The following VPS13B variants were observed in gnomAD, a reference collection of about 807,000 sequenced individuals.
The protein encoded by VPS13B is vacuolar protein sorting 13 homolog B, also known as intermembrane lipid transfer protein VPS13B.
A neutral mutation model predicts 426.4 loss-of-function variants in VPS13B; 285 were observed. The ratio of observed to expected loss-of-function variants is 0.67; its 90% CI spans 0.61 to 0.74. VPS13B has a LOEUF of 0.74. VPS13B is among the 30% of genes least tolerant of loss of function. VPS13B has a pLI of 0.00. For synonymous variants in VPS13B, 1,676 were observed against 1,676.4 expected (o/e 1.00, Z 0.01); for missense variants, 4,537 against 4,782.6 (o/e 0.95, Z 1.51).
At chr8:99,696,108 T>G in intron 35 of VPS13B, 1 of 157,834 alleles carries the variant, frequency 6.3e-6, no homozygotes. Flanking sequence ...CCACGCACGG[T>G]GGCGAGAGTG....
At chr8:99,202,250 T>G (rs1275672991) in intron 17 of VPS13B, among the ~76,000 whole-genome samples, 2 of 152,198 alleles carry the variant, frequency 1.3e-5, no homozygotes, top group Non-Finnish European at 2.9e-5. Flanking sequence ...AGAATAAAAT[T>G]CAAGACATTG....
intron 16 of VPS13B, among the ~76,000 whole-genome samples, chr8:99,176,427 G>A (rs534176640): frequency 3.9e-5 from 6 of 152,178 alleles, no homozygotes; most frequent in South Asian, 2.1e-4. Flanking sequence ...ATGAGCCACC[G>A]CGCCCAGCCC....
At chr8:99,803,582 C>A (rs1397217664) in intron 43 of VPS13B, among the ~76,000 whole-genome samples, 1 of 152,100 alleles carries the variant, frequency 6.6e-6, no homozygotes, top group African/African-American at 2.4e-5. Context: ...ATATGCAGGG[C>A]CCTCAGAATT....
At chr8:99,434,751 C>T (rs922745513) in intron 22 of VPS13B, among the ~76,000 whole-genome samples, 51 of 152,050 alleles carry the variant, frequency 3.4e-4, no homozygotes, top group African/African-American at 1.1e-3. Context: ...TATGGCTTGT[C>T]GTTCTTGTGT....
chr8:99,181,807 T>A (rs1408669290), intron 16 of VPS13B, among the ~76,000 whole-genome samples: 1 of 152,042 alleles, frequency 6.6e-6, no homozygotes, highest in Non-Finnish European at 1.5e-5. Context: ...ATAGGTATAA[T>A]CTATTAATAA....
chr8:99,831,949 A>G (rs1035891607), intron 51 of VPS13B, among the ~76,000 whole-genome samples: 1 of 152,188 alleles, frequency 6.6e-6, no homozygotes, highest in African/African-American at 2.4e-5. Flanking sequence ...ACATAGTTAT[A>G]GATGGTGTCT....
chr8:99,192,873 C>T lies in VPS13B; in HGVS notation c.2334-3C>T, dbSNP rs749105779. ...TTGCGATTCTTTCTGTTTTCTTGTGCAGGACCAAAAGATCTCAGATTGCTA... is the reference window on the plus strand; with the variant it reads ...TTGCGATTCTTTCTGTTTTCTTGTGTAGGACCAAAAGATCTCAGATTGCTA... On this transcript the variant is annotated splice_region_variant and splice_polypyrimidine_tract_variant and intron_variant, in intron 16 of 61. Transcript: ENST00000357162. 7.9e-5 allele frequency: 127 copies of T among 1,612,354 alleles called. No homozygotes were observed. The highest frequency in any genetic ancestry group is 1.0e-4 in the Non-Finnish European group (120 of 1,179,644).
chr8:99,176,561 AT>A (rs1318625888), intron 16 of VPS13B, among the ~76,000 whole-genome samples: 1 of 152,222 alleles, frequency 6.6e-6, no homozygotes, highest in Non-Finnish European at 1.5e-5. Flanking sequence ...CACAGATTGA[AT>A]TCTGCAGCTT....
rs112773987 is a variant in VPS13B, at chr8:99,778,181, A to G, written c.7430-501A>G. Reference sequence around the variant, plus strand: ...CAGGAGGCAGAGGTTGCAGTGAGCCAAGATCACACCACTGCACTCCAGCCT... The same window carrying G: ...CAGGAGGCAGAGGTTGCAGTGAGCCGAGATCACACCACTGCACTCCAGCCT... On this transcript the variant is annotated intron_variant, in intron 41 of 61. Coordinates refer to ENST00000357162, the MANE Select transcript of VPS13B (RefSeq NM_152564.5). Among the ~76,000 whole-genome samples, 932 of 151,664 alleles carry G rather than the reference A, an allele frequency of 6.1e-3. 5 individuals are homozygous for G. Among genetic ancestry groups the G allele is most frequent in the Middle Eastern group, 0.024 (7 of 292 alleles).
intron 3 of VPS13B, among the ~76,000 whole-genome samples, chr8:99,043,458 G>A (rs964905062): frequency 4.4e-4 from 67 of 152,074 alleles, no homozygotes; most frequent in African/African-American, 1.4e-3. Flanking sequence ...TGTGTTTATC[G>A]TCACTGTTAT....
At chr8:99,695,258 T>C (rs1831910869) in intron 35 of VPS13B, among the ~76,000 whole-genome samples, 1 of 148,734 alleles carries the variant, frequency 6.7e-6, no homozygotes, top group South Asian at 2.1e-4. Context: ...CGTATGTTTA[T>C]TGCGGCATTA....
intron 43 of VPS13B, among the ~76,000 whole-genome samples, chr8:99,802,284 G>A (rs1394152007): frequency 6.6e-6 from 1 of 152,034 alleles, no homozygotes; most frequent in Non-Finnish European, 1.5e-5. Context: ...GAATTATGGA[G>A]ACTACAGAGA....
intron 34 of VPS13B, among the ~76,000 whole-genome samples, chr8:99,654,999 C>T (rs1829971117): frequency 1.3e-5 from 2 of 152,134 alleles, no homozygotes; most frequent in Admixed American, 6.6e-5. Context: ...TAGCTAGCTG[C>T]TTGATCATCC....
intron 3 of VPS13B, among the ~76,000 whole-genome samples, chr8:99,053,473 C>G (rs756879492): frequency 1.1e-4 from 16 of 152,002 alleles, no homozygotes; most frequent in Admixed American, 2.0e-4. Flanking sequence ...GACATGAACT[C>G]ATCATTTTTT....
chr8:99,566,866 T>G (rs1825216187), intron 31 of VPS13B, among the ~76,000 whole-genome samples: 1 of 152,224 alleles, frequency 6.6e-6, no homozygotes, highest in Non-Finnish European at 1.5e-5. Context: ...CTGTGAGCAC[T>G]ATAACTGGTA....
At chr8:99,086,667 T>G (rs566764172) in intron 3 of VPS13B, among the ~76,000 whole-genome samples, 69 of 152,282 alleles carry the variant, frequency 4.5e-4, no homozygotes, top group African/African-American at 1.5e-3. Flanking sequence ...TTGTTAGTTT[T>G]CCTTCTAACA....
intron 39 of VPS13B, 63 bp downstream of exon 39, chr8:99,721,110 G>T (rs895512861): frequency 2.6e-6 from 4 of 1,551,946 alleles, no homozygotes; most frequent in Non-Finnish European, 3.6e-6. Context: ...CATATATTAG[G>T]AAAAATGTTT....
In VPS13B at chr8:99,246,863, CAAAA is replaced by C. The variant is rs1303788844; in HGVS notation, c.2516-27331_2516-27328del. 6.2e-5 allele frequency among the ~76,000 whole-genome samples: 9 copies of C among 145,372 alleles called. No homozygotes were observed. In the East Asian group the frequency reaches 1.6e-3, roughly 26 times the overall value. On this transcript the variant is annotated intron_variant, in intron 17 of 61. Coordinates refer to ENST00000357162, the MANE Select transcript of VPS13B (RefSeq NM_152564.5). ...AGACTCTGTCTCAAAAAAAAAAAAA[CAAAA>C]AAAGATTATGAGCTCTGATTATCAT...
intron 17 of VPS13B, among the ~76,000 whole-genome samples, chr8:99,267,844 A>G (rs916685537): frequency 1.6e-4 from 25 of 152,196 alleles, no homozygotes; most frequent in Non-Finnish European, 7.3e-5. Flanking sequence ...CAATGGGGAA[A>G]ATGTCTCCAG....
Sources: gnomAD v4.1 joint callset for allele counts (sites outside exome capture counted in the v4.1 genomes callset) on GRCh38, gnomAD v4.1.1 for gene constraint, MANE v1.5 for transcripts, NCBI Gene and HGNC (gene_info 2026-07-23, HGNC 2026-07-21) for gene names.